Variants in BNC2 observed in about 807,000 individuals in gnomAD.
BNC2 encodes the protein basonuclin zinc finger protein 2, also known as zinc finger protein basonuclin-2.
A neutral mutation model predicts 76.3 loss-of-function variants in BNC2; 20 were observed. The observed-to-expected ratio is 0.26, with a 90% CI of 0.18 to 0.38. The LOEUF is 0.38. Ranked by LOEUF, BNC2 falls within the 10% of genes least tolerant of loss-of-function variation. The probability of loss-of-function intolerance (pLI) is 1.00; values close to 1 mark genes in which losing one functional copy is unlikely to be tolerated. For synonymous variants in BNC2, 582 were observed against 514.8 expected (o/e 1.13, Z -1.77); for missense variants, 1,382 against 1,399.8 (o/e 0.99, Z 0.20).
At chr9:16,524,339 G>A (rs993461814) in intron 5 of BNC2, among the ~76,000 whole-genome samples, 2 of 152,120 alleles carry the variant, frequency 1.3e-5, no homozygotes, top group Non-Finnish European at 1.5e-5. Context: ...TGCCTAGGTC[G>A]TTAGGAGTTT....
At chr9:16,774,065 T>G (rs1395806538) in intron 1 of BNC2, among the ~76,000 whole-genome samples, 1 of 152,150 alleles carries the variant, frequency 6.6e-6, no homozygotes, top group Admixed American at 6.6e-5. Context: ...CACTGCAACC[T>G]TTGTCTCCCA....
intron 3 of BNC2, among the ~76,000 whole-genome samples, chr9:16,699,573 G>C (rs1823446940): frequency 1.3e-5 from 2 of 152,160 alleles, no homozygotes; most frequent in African/African-American, 4.8e-5. Flanking sequence ...GAACACTGTG[G>C]CACTGTTGAT....
intron 3 of BNC2, among the ~76,000 whole-genome samples, chr9:16,707,027 C>A (rs1209009135): frequency 1.3e-5 from 2 of 152,134 alleles, no homozygotes; most frequent in African/African-American, 2.4e-5. Context: ...ACGGTGAAAC[C>A]CCGTCTCTAC....
intron 1 of BNC2, among the ~76,000 whole-genome samples, chr9:16,814,845 G>C (rs1462149071): frequency 2.6e-5 from 4 of 152,038 alleles, no homozygotes; most frequent in African/African-American, 9.7e-5. Flanking sequence ...CTGTCCATTG[G>C]GATTGACAAG....
At chr9:16,608,701 G>A (rs757806195) in intron 3 of BNC2, among the ~76,000 whole-genome samples, 3 of 151,956 alleles carry the variant, frequency 2.0e-5, no homozygotes. Flanking sequence ...CACTTTACAT[G>A]TTAAAATATG....
chr9:16,711,282 G>T (rs530204327), intron 3 of BNC2, among the ~76,000 whole-genome samples: 1 of 152,136 alleles, frequency 6.6e-6, no homozygotes, highest in African/African-American at 2.4e-5. Flanking sequence ...GGAAGGGGGG[G>T]CGGTTGTTAC....
intron 1 of BNC2, among the ~76,000 whole-genome samples, chr9:16,777,483 G>A (rs527674016): frequency 1.0e-3 from 155 of 152,178 alleles, no homozygotes; most frequent in African/African-American, 3.6e-3. Flanking sequence ...GGCAGATCAC[G>A]AGGTCAGGAG....
chr9:16,449,034 A>C (rs1821285602), intron 5 of BNC2, among the ~76,000 whole-genome samples: 1 of 152,314 alleles, frequency 6.6e-6, no homozygotes, highest in African/African-American at 2.4e-5. Flanking sequence ...TGGCTGACTG[A>C]AGAAATATAG....
chr9:16,841,176 T>C (rs565246565), intron 1 of BNC2, among the ~76,000 whole-genome samples: 1 of 152,360 alleles, frequency 6.6e-6, no homozygotes, highest in South Asian at 2.1e-4. Context: ...ACCGTTTTAA[T>C]GAGTTTTTGT....
chr9:16,534,111 G>A (rs1473173915), intron 5 of BNC2, among the ~76,000 whole-genome samples: 1 of 152,138 alleles, frequency 6.6e-6, no homozygotes, highest in Non-Finnish European at 1.5e-5. Flanking sequence ...ATGATTTAAA[G>A]AGAAATATTA....
chr9:16,625,294 T>G (rs1008883094), intron 3 of BNC2, among the ~76,000 whole-genome samples: 1 of 152,166 alleles, frequency 6.6e-6, no homozygotes. Context: ...GAAATAGTTG[T>G]GGTAATTCAA....
At chr9:16,781,024 A>G (rs1177928674) in intron 1 of BNC2, among the ~76,000 whole-genome samples, 1 of 151,990 alleles carries the variant, frequency 6.6e-6, no homozygotes, top group African/African-American at 2.4e-5. Context: ...AAAAAGAGAG[A>G]GAGAAGCTAT....
At chr9:16,533,544 CAT>C (rs1818045570) in intron 5 of BNC2, among the ~76,000 whole-genome samples, 1 of 152,106 alleles carries the variant, frequency 6.6e-6, no homozygotes, top group Non-Finnish European at 1.5e-5. Context: ...TTTGGTTAAA[CAT>C]GTGGCAGTAT....
chr9:16,836,307 G>C (rs1035049104), intron 1 of BNC2, among the ~76,000 whole-genome samples: 2 of 152,046 alleles, frequency 1.3e-5, no homozygotes, highest in African/African-American at 4.8e-5. Context: ...AAGAATCAGA[G>C]GTCGTTTTTT....
intron 3 of BNC2, among the ~76,000 whole-genome samples, chr9:16,700,912 T>C (rs1176122876): frequency 1.3e-5 from 2 of 152,184 alleles, no homozygotes; most frequent in African/African-American, 4.8e-5. Flanking sequence ...CCCTGCACTC[T>C]AGCCAGACTC....
chr9:16,571,204 G>T (rs1010181423), intron 4 of BNC2, among the ~76,000 whole-genome samples: 7 of 151,924 alleles, frequency 4.6e-5, no homozygotes, highest in Admixed American at 3.9e-4. Context: ...TTAGTAAAAG[G>T]GCTTCTTAAT....
chr9:16,707,516 G>C (rs1054048686), intron 3 of BNC2, among the ~76,000 whole-genome samples: 2 of 152,164 alleles, frequency 1.3e-5, no homozygotes, highest in African/African-American at 4.8e-5. Flanking sequence ...AGTTGCACCT[G>C]CAGTACATGT....
intron 3 of BNC2, among the ~76,000 whole-genome samples, chr9:16,665,495 A>AGC (rs1822264272): frequency 6.6e-6 from 1 of 151,314 alleles, no homozygotes; most frequent in Admixed American, 6.6e-5. Context: ...AGAAAGAGAG[A>AGC]GAGAGAAATC....
chr9:16,674,427 TA>T (rs917346835), intron 3 of BNC2, among the ~76,000 whole-genome samples: 13 of 151,992 alleles, frequency 8.6e-5, no homozygotes, highest in African/African-American at 1.4e-4. Context: ...TTAAAACCCC[TA>T]AAAAAAATAA....
Sources: gnomAD v4.1 joint callset for allele counts (sites outside exome capture counted in the v4.1 genomes callset) on GRCh38, gnomAD v4.1.1 for gene constraint, MANE v1.5 for transcripts, NCBI Gene and HGNC (gene_info 2026-07-23, HGNC 2026-07-21) for gene names.